The following PLPBP variants were observed in gnomAD, a reference collection of about 807,000 sequenced individuals.
The protein encoded by PLPBP is pyridoxal phosphate homeostasis protein.
Under a neutral mutation model 31.2 loss-of-function variants are expected in PLPBP, and 21 were observed. That is an observed-to-expected ratio of 0.67 (90% CI 0.48 to 0.97). The LOEUF is 0.97. Ranked by LOEUF, PLPBP falls within the 50% of genes least tolerant of loss-of-function variation. The pLI is 0.00. For missense variants in PLPBP, 308 were observed against 354.4 expected, an observed-to-expected ratio of 0.87 and a Z score of 1.05; for synonymous variants, 124 against 135.6, an observed-to-expected ratio of 0.91 and a Z score of 0.59.
rs79038870 is a variant in PLPBP, at chr8:37,765,775, G to T, written c.243+29G>T. 3,690 of 1,603,322 alleles carry T rather than the reference G, an allele frequency of 2.3e-3. 62 individuals carry two copies. In the African/African-American group the frequency reaches 0.044, roughly 19 times the overall value. ...AGTAGATAGCTGAATTCTTTAATTTGTATCTAAATCTTGGCTCTTTAGTTG... is the reference window on the plus strand; with the variant it reads ...AGTAGATAGCTGAATTCTTTAATTTTTATCTAAATCTTGGCTCTTTAGTTG... On this transcript the variant is annotated intron_variant, in intron 3 of 7. Coordinates refer to ENST00000328195, the MANE Select transcript of PLPBP (RefSeq NM_007198.4).
intron 7 of PLPBP, among the ~76,000 whole-genome samples, chr8:37,776,599 AAATT>A (rs1803920253): frequency 6.6e-6 from 1 of 151,958 alleles, no homozygotes; most frequent in South Asian, 2.1e-4. Flanking sequence ...AGGAAATAAG[AAATT>A]AATTATAATT....
Position 37,778,050 on chromosome 8 carries a change from G to A in PLPBP, c.774G>A (p.Pro258=), listed in dbSNP as rs765390963. 7.4e-6 allele frequency: 12 copies of A among 1,613,612 alleles called. No individual in the cohort carries two copies. Among genetic ancestry groups the A allele is most frequent in the African/African-American group, 5.3e-5 (4 of 74,908 alleles). ...GGGATTACTCAAAGAAACCCACCCC[G>A]GACAAGTGCGCAGCAGACGTGAAGG... ...GERDYSKKPT[P]DKCAADVKAP... The change falls in exon 8 of 8, where the codon CCG becomes CCA. Residue 258 remains proline (P), a synonymous_variant. Coordinates refer to ENST00000328195, the MANE Select transcript of PLPBP (RefSeq NM_007198.4).
In PLPBP at chr8:37,775,377, G is replaced by A. The variant is rs765024567; in HGVS notation, c.493G>A (p.Val165Met). The change falls in exon 6 of 8, where the codon GTG becomes ATG. Residue 165 changes from valine to methionine, a missense_variant. Val to Met is a conservative substitution (Grantham distance 21). This residue lies in a region of PLPBP where 188 missense variants were observed against 259.3 expected (regional missense o/e 0.73). Transcript: ENST00000328195. Reference sequence around the variant, plus strand: ...TCCACCTTCAGAGACCATAGCCATCGTGGAGCACATAAACGCCAAGTGTCC... The same window carrying A: ...TCCACCTTCAGAGACCATAGCCATCATGGAGCACATAAACGCCAAGTGTCC... ...GLPPSETIAI[V>M]EHINAKCPNL... 9.9e-6 allele frequency: 16 copies of A among 1,614,056 alleles called. No individual in the cohort carries two copies. Among genetic ancestry groups the A allele is most frequent in the East Asian group, 2.2e-5 (1 of 44,900 alleles).
chr8:37,773,353 C>A (rs1293864904), intron 5 of PLPBP, among the ~76,000 whole-genome samples: 2 of 150,130 alleles, frequency 1.3e-5, no homozygotes, highest in Non-Finnish European at 3.0e-5. Context: ...TTTGTAATAG[C>A]GATGGGGTTT....
intron 4 of PLPBP, among the ~76,000 whole-genome samples, chr8:37,771,327 A>G (rs1006925626): frequency 9.9e-5 from 15 of 151,878 alleles, no homozygotes; most frequent in African/African-American, 3.1e-4. Flanking sequence ...TTTAATAGAG[A>G]CAGGGTTTCA....
chr8:37,768,553 A>G (rs1585933347), intron 4 of PLPBP, among the ~76,000 whole-genome samples: 1 of 144,686 alleles, frequency 6.9e-6, no homozygotes, highest in South Asian at 2.1e-4. Context: ...GCTTTCTGCA[A>G]CCTCCGCTTC....
Position 37,765,571 on chromosome 8 carries a change from A to G in PLPBP, c.145A>G (p.Lys49Glu), listed in dbSNP as rs369269403. The G allele has an allele frequency of 4.3e-5, 69 of 1,613,948 alleles. No homozygotes were observed. Among genetic ancestry groups the G allele is most frequent in the Non-Finnish European group, 5.3e-5 (63 of 1,179,958 alleles). Residue 49 changes from lysine (K) to glutamate (E), a missense_variant, in exon 2 of 8, where the codon AAA becomes GAA. By Grantham distance (56) the Lys-to-Glu change is moderately conservative. Around this residue, in one of 2 missense-constraint regions of PLPBP, gnomAD observed 120 missense variants for 95.1 expected, o/e 1.26. Coordinates refer to ENST00000328195, the MANE Select transcript of PLPBP (RefSeq NM_007198.4). The part of the protein sequence containing the change: ...QPRLVAVSKT[K>E]PADMVIEAYG... The stretch of plus-strand genomic sequence containing the variant: ...CCGGCTAGTGGCGGTCAGCAAAACC[A>G]AACCTGCAGACATGGTGATCGAGGC...
At position 37,771,559 on chromosome 8, in the gene PLPBP, T is replaced by G. The variant is rs185245605; in HGVS notation, c.320-1196T>G. 1.6e-4 allele frequency among the ~76,000 whole-genome samples: 24 copies of G among 152,234 alleles called. 1 individual carries two copies. In the East Asian group the frequency reaches 4.7e-3, roughly 30 times the overall value. On this transcript the variant is annotated intron_variant, in intron 4 of 7. Transcript: ENST00000328195. Reference sequence around the variant, plus strand: ...CCTCAGCCTCCCAAAGTGTGGGGATTACAGGTGTGAGCCACTGCACCTGAC... The same window carrying G: ...CCTCAGCCTCCCAAAGTGTGGGGATGACAGGTGTGAGCCACTGCACCTGAC...
chr8:37,765,434 A>G, intron 1 of PLPBP, 92 bp from the exon 2 acceptor site: 1 of 1,211,474 alleles, frequency 8.3e-7, no homozygotes. Context: ...AGTTGAGATC[A>G]ATGCCTGTCT....
At chr8:37,776,259 C>T (rs546993657) in intron 7 of PLPBP, among the ~76,000 whole-genome samples, 6 of 152,170 alleles carry the variant, frequency 3.9e-5, no homozygotes, top group Non-Finnish European at 5.9e-5. Context: ...GGGCAGATCA[C>T]GAGGTCAGGA....
intron 4 of PLPBP, among the ~76,000 whole-genome samples, chr8:37,767,010 G>A (rs1803647793): frequency 8.0e-6 from 1 of 125,228 alleles, no homozygotes; most frequent in Non-Finnish European, 1.5e-5. Context: ...TCACGCCACT[G>A]CACTCCAGAC....
intron 4 of PLPBP, among the ~76,000 whole-genome samples, chr8:37,771,899 G>T (rs1158334036): frequency 6.6e-6 from 1 of 152,184 alleles, no homozygotes; most frequent in Non-Finnish European, 1.5e-5. Context: ...GGCAGAGGTT[G>T]CAGTGAGCCA....
chr8:37,769,474 G>C (rs1374562917), intron 4 of PLPBP, among the ~76,000 whole-genome samples: 1 of 151,924 alleles, frequency 6.6e-6, no homozygotes, highest in Non-Finnish European at 1.5e-5. Context: ...GAAGAGGGAA[G>C]AGATTCATAT....
intron 7 of PLPBP, among the ~76,000 whole-genome samples, chr8:37,776,277 A>C (rs1005264377): frequency 6.6e-6 from 1 of 152,098 alleles, no homozygotes; most frequent in African/African-American, 2.4e-5. Flanking sequence ...GGAGTTCGAG[A>C]CCAGCCTGAC....
At chr8:37,767,695 A>C (rs898588536) in intron 4 of PLPBP, among the ~76,000 whole-genome samples, 2 of 152,148 alleles carry the variant, frequency 1.3e-5, no homozygotes, top group Admixed American at 1.3e-4. Flanking sequence ...CTTGGAATAA[A>C]TATATAGGAA....
At chr8:37,767,270 C>G (rs983392118) in intron 4 of PLPBP, among the ~76,000 whole-genome samples, 2 of 152,106 alleles carry the variant, frequency 1.3e-5, no homozygotes, top group African/African-American at 4.8e-5. Context: ...ACCTGTGAAA[C>G]CATCACAACA....
At chr8:37,765,456 T>G in intron 1 of PLPBP, 70 bp from the exon 2 acceptor site, 1 of 1,419,450 alleles carries the variant, frequency 7.0e-7, no homozygotes, top group East Asian at 2.3e-5. Context: ...TCCTACAGGA[T>G]CTATCCTATG....
At chr8:37,763,046 C>T (rs932471365) in intron 1 of PLPBP, among the ~76,000 whole-genome samples, 3 of 152,126 alleles carry the variant, frequency 2.0e-5, no homozygotes, top group Non-Finnish European at 4.4e-5. Flanking sequence ...GTTTCGGGGT[C>T]GATAGCCTTG....
At chr8:37,775,545 G>A in intron 6 of PLPBP, 64 bp downstream of exon 6, 7 of 1,603,806 alleles carry the variant, frequency 4.4e-6, no homozygotes, top group Non-Finnish European at 6.0e-6. Flanking sequence ...TGCTATTGCA[G>A]GGCTGGCTGC....
Sources: allele counts gnomAD v4.1 joint callset (sites outside exome capture counted in the v4.1 genomes callset), GRCh38; gene constraint gnomAD v4.1.1; regional missense constraint gnomAD v4.1.1; transcripts MANE v1.5; gene names NCBI Gene and HGNC (gene_info 2026-07-23, HGNC 2026-07-21).